Variants in CLEC16A observed in about 807,000 individuals in gnomAD.
CLEC16A encodes C-type lectin domain containing 16A.
In CLEC16A, 51 loss-of-function variants were observed where a neutral mutation model predicts 109.5. The ratio of observed to expected loss-of-function variants is 0.47; its 90% CI spans 0.37 to 0.59. The LOEUF is 0.59. Ranked by LOEUF, CLEC16A falls within the 20% of genes least tolerant of loss-of-function variation. The pLI is 0.00. For missense variants in CLEC16A, 1,339 were observed against 1,394.0 expected (o/e 0.96, Z 0.63); for synonymous variants, 673 against 564.2 (o/e 1.19, Z -2.73).
intron 22 of CLEC16A, among the ~76,000 whole-genome samples, chr16:11,144,587 T>TC (rs1277983397): frequency 6.6e-6 from 1 of 152,216 alleles, no homozygotes; most frequent in East Asian, 1.9e-4. Flanking sequence ...TGTAGGATCT[T>TC]CCCCAGCTTG....
At chr16:11,153,460 T>A (rs2054375717) in intron 22 of CLEC16A, among the ~76,000 whole-genome samples, 1 of 151,942 alleles carries the variant, frequency 6.6e-6, no homozygotes, top group African/African-American at 2.4e-5. Flanking sequence ...TGAAACTGTC[T>A]CATATTTTAA....
intron 17 of CLEC16A, 143 bp from the exon 18 acceptor site, chr16:11,051,370 T>C (rs1346879444): frequency 3.4e-6 from 3 of 880,936 alleles, no homozygotes; most frequent in African/African-American, 3.3e-5. Context: ...TGTGCTTTAC[T>C]TCAATCTAAA....
intron 12 of CLEC16A, among the ~76,000 whole-genome samples, chr16:11,022,192 G>C (rs1162928163): frequency 6.6e-6 from 1 of 152,146 alleles, no homozygotes; most frequent in African/African-American, 2.4e-5. Flanking sequence ...GAGACTGAAT[G>C]CCGGGTTAGA....
At chr16:10,964,975 G>A (rs1488091289) in intron 3 of CLEC16A, among the ~76,000 whole-genome samples, 1 of 152,144 alleles carries the variant, frequency 6.6e-6, no homozygotes, top group African/African-American at 2.4e-5. Flanking sequence ...TAGTCACTGT[G>A]CTGTACATGA....
chr16:10,988,380 C>T (rs2043799678), intron 10 of CLEC16A, among the ~76,000 whole-genome samples: 1 of 152,288 alleles, frequency 6.6e-6, no homozygotes, highest in South Asian at 2.1e-4. Context: ...GACCTGACCC[C>T]TGCCCTCCCT....
At chr16:11,176,704 C>A (rs2068761362) in intron 23 of CLEC16A, among the ~76,000 whole-genome samples, 1 of 152,132 alleles carries the variant, frequency 6.6e-6, no homozygotes, top group Non-Finnish European at 1.5e-5. Context: ...TGCCACTGCA[C>A]TCCAGCCTGG....
intron 22 of CLEC16A, among the ~76,000 whole-genome samples, chr16:11,152,807 T>C (rs2054346013): frequency 6.6e-6 from 1 of 152,164 alleles, no homozygotes; most frequent in Non-Finnish European, 1.5e-5. Flanking sequence ...CCTCTGACAC[T>C]GCTCCCCTGT....
chr16:11,109,370 T>C (rs577101940), intron 19 of CLEC16A, among the ~76,000 whole-genome samples: 1 of 152,216 alleles, frequency 6.6e-6, no homozygotes, highest in South Asian at 2.1e-4. Context: ...CCCAGTCTGG[T>C]CTTGAGCTCC....
chr16:10,952,868 A>G (rs2041805199), intron 1 of CLEC16A, among the ~76,000 whole-genome samples: 1 of 152,266 alleles, frequency 6.6e-6, no homozygotes, highest in Non-Finnish European at 1.5e-5. Flanking sequence ...CAGCAACTCT[A>G]ACAATAGATC....
At chr16:10,968,184 C>A (rs928884800) in intron 3 of CLEC16A, among the ~76,000 whole-genome samples, 3 of 152,250 alleles carry the variant, frequency 2.0e-5, no homozygotes, top group Non-Finnish European at 2.9e-5. Context: ...GGTAAGAACA[C>A]AGAGGGAAAT....
intron 1 of CLEC16A, among the ~76,000 whole-genome samples, chr16:10,948,105 G>C (rs550950723): frequency 4.6e-5 from 7 of 152,098 alleles, no homozygotes; most frequent in East Asian, 3.9e-4. Context: ...GTGTTAGCCA[G>C]GATGGTCTCG....
At chr16:11,123,157 C>T (rs2052556961) in intron 20 of CLEC16A, among the ~76,000 whole-genome samples, 1 of 152,160 alleles carries the variant, frequency 6.6e-6, no homozygotes, top group Admixed American at 6.5e-5. Context: ...CCACTTCGGC[C>T]TCCCAAAGTG....
intron 13 of CLEC16A, among the ~76,000 whole-genome samples, chr16:11,032,824 A>C (rs777469343): frequency 1.3e-5 from 2 of 152,210 alleles, no homozygotes; most frequent in Non-Finnish European, 2.9e-5. Flanking sequence ...CCAGGCGGGC[A>C]GGGGCCAGGT....
At chr16:11,085,378 G>A (rs750154794) in intron 19 of CLEC16A, among the ~76,000 whole-genome samples, 10 of 152,266 alleles carry the variant, frequency 6.6e-5, no homozygotes, top group Non-Finnish European at 1.3e-4. Context: ...CAGGTTGAGT[G>A]CCCGTGGAGG....
chr16:10,979,101 G>A (rs1453040326), intron 8 of CLEC16A, among the ~76,000 whole-genome samples: 1 of 152,166 alleles, frequency 6.6e-6, no homozygotes, highest in Non-Finnish European at 1.5e-5. Flanking sequence ...GTGAGTAATG[G>A]TGAAAGGTTT....
chr16:10,946,414 T>C (rs2041376636), intron 1 of CLEC16A, among the ~76,000 whole-genome samples: 1 of 151,998 alleles, frequency 6.6e-6, no homozygotes, highest in Admixed American at 6.6e-5. Flanking sequence ...AGCAGGAGGG[T>C]TCACTATGTG....
At chr16:11,166,975 TGTG>T (rs1173214902) in intron 23 of CLEC16A, among the ~76,000 whole-genome samples, 1 of 152,178 alleles carries the variant, frequency 6.6e-6, no homozygotes, top group Non-Finnish European at 1.5e-5. Context: ...TGTCCTTAAA[TGTG>T]GTGCGGTCCA....
intron 2 of CLEC16A, 135 bp from the exon 3 acceptor site, chr16:10,962,320 T>C: frequency 1.1e-6 from 1 of 921,568 alleles, no homozygotes. Flanking sequence ...CGGGTGACAA[T>C]GGGTGGCATG....
Position 11,115,608 on chromosome 16 carries a change from A to G in CLEC16A, c.2117-5007A>G, listed in dbSNP as rs529012491. On this transcript the variant is annotated intron_variant, in intron 19 of 23. Transcript: ENST00000409790. ...GGCCGGTGTGGAACTCCTGGGCTCAAGCGATCCACCCATCTCAGTCTTCAA... is the reference window on the plus strand; with the variant it reads ...GGCCGGTGTGGAACTCCTGGGCTCAGGCGATCCACCCATCTCAGTCTTCAA... Among the ~76,000 whole-genome samples the G allele has an allele frequency of 5.3e-5, 8 of 152,294 alleles. 1 individual carries two copies. The South Asian group carries it at 1.4e-3, about 28-fold the overall frequency.
Sources: allele counts gnomAD v4.1 joint callset (sites outside exome capture counted in the v4.1 genomes callset), GRCh38; gene constraint gnomAD v4.1.1; transcripts MANE v1.5; gene names NCBI Gene and HGNC (gene_info 2026-07-23, HGNC 2026-07-21).